PLAC8: variants seen among roughly 807,000 people sequenced by gnomAD.
PLAC8 encodes the protein placenta associated 8, also known as placenta-specific gene 8 protein.
Under a neutral mutation model 12.6 loss-of-function variants are expected in PLAC8, and 6 were observed. The observed-to-expected ratio is 0.48, with a 90% CI of 0.26 to 0.94. The LOEUF (loss-of-function observed/expected upper bound fraction) is 0.94. PLAC8 is among the 40% of genes least tolerant of loss of function. The pLI is 0.14. For missense variants in PLAC8, 122 were observed against 152.7 expected, an observed-to-expected ratio of 0.80 and a Z score of 1.06; for synonymous variants, 54 against 52.6, an observed-to-expected ratio of 1.03 and a Z score of -0.11.
chr4:83,111,054 C>T (rs1732413259), intron 1 of PLAC8, among the ~76,000 whole-genome samples: 2 of 152,174 alleles, frequency 1.3e-5, no homozygotes, highest in South Asian at 4.1e-4. Context: ...CAGCCTGGAA[C>T]TCCTGAGCTC....
chr4:83,108,852 C>CT (rs1204502675), intron 1 of PLAC8, among the ~76,000 whole-genome samples: 2 of 152,102 alleles, frequency 1.3e-5, no homozygotes, highest in Admixed American at 6.5e-5. Context: ...CTAATTTATT[C>CT]TTTTTTGTTT....
At chr4:83,096,919 A>G (rs998791191) in intron 3 of PLAC8, among the ~76,000 whole-genome samples, 2 of 152,200 alleles carry the variant, frequency 1.3e-5, no homozygotes, top group Non-Finnish European at 2.9e-5. Flanking sequence ...GGCTGATTAC[A>G]AAATGGGCTG....
At chr4:83,097,230 GGTGTGTGTGTGTGTGGGTGTGTATGT>G (rs1731960221) in intron 3 of PLAC8, among the ~76,000 whole-genome samples, 1 of 150,464 alleles carries the variant, frequency 6.6e-6, no homozygotes. Context: ...TTACATGTGG[GGTGTGTGTGTGTGTGGGTGTGTATGT>G]GTGTGTGTGT....
intron 3 of PLAC8, among the ~76,000 whole-genome samples, chr4:83,095,239 C>T (rs1731898542): frequency 6.6e-6 from 1 of 152,100 alleles, no homozygotes; most frequent in East Asian, 1.9e-4. Context: ...AGGATGAGAG[C>T]TAAGCACTAG....
intron 3 of PLAC8, among the ~76,000 whole-genome samples, chr4:83,100,276 A>C (rs572954214): frequency 5.3e-4 from 68 of 129,270 alleles, no homozygotes; most frequent in Non-Finnish European, 5.0e-4. Context: ...GCGAGACTCC[A>C]TCTCAAAAAA....
chr4:83,092,662 T>C (rs1294560268), intron 4 of PLAC8, among the ~76,000 whole-genome samples: 1 of 152,144 alleles, frequency 6.6e-6, no homozygotes, highest in Non-Finnish European at 1.5e-5. Flanking sequence ...TTTAAAATCT[T>C]TTATTTTTCG....
chr4:83,099,841 C>A (rs931160623), intron 3 of PLAC8, among the ~76,000 whole-genome samples: 93 of 132,562 alleles, frequency 7.0e-4, no homozygotes, highest in East Asian at 6.5e-4. Flanking sequence ...ACTAAAAATA[C>A]AAAAAAAAAA....
intron 3 of PLAC8, among the ~76,000 whole-genome samples, chr4:83,096,160 C>T (rs1020141138): frequency 3.3e-5 from 5 of 152,192 alleles, no homozygotes; most frequent in African/African-American, 7.2e-5. Flanking sequence ...CTATAAACTA[C>T]GTTTCTCCCA....
At chr4:83,096,074 T>G (rs536932190) in intron 3 of PLAC8, among the ~76,000 whole-genome samples, 4 of 152,306 alleles carry the variant, frequency 2.6e-5, no homozygotes, top group African/African-American at 9.6e-5. Context: ...CTAATGTTAG[T>G]CCTCCAAAGG....
intron 1 of PLAC8, among the ~76,000 whole-genome samples, chr4:83,113,122 C>T (rs1732460429): frequency 6.6e-6 from 1 of 152,336 alleles, no homozygotes; most frequent in South Asian, 2.1e-4. Context: ...ATAGAATGAG[C>T]TAGGGTCTAA....
At chr4:83,096,416 AT>A (rs200216742) in intron 3 of PLAC8, among the ~76,000 whole-genome samples, 1 of 148,884 alleles carries the variant, frequency 6.7e-6, no homozygotes, top group Non-Finnish European at 1.5e-5. Flanking sequence ...CAAAAAAAAA[AT>A]GCTTATTGAC....
At chr4:83,105,748 G>T (rs568501156) in intron 2 of PLAC8, among the ~76,000 whole-genome samples, 1 of 152,322 alleles carries the variant, frequency 6.6e-6, no homozygotes, top group Non-Finnish European at 1.5e-5. Context: ...ATTAAGCTTT[G>T]ATTGGAACTT....
intron 4 of PLAC8, chr4:83,094,337 C>T (rs549161566): frequency 5.7e-4 from 97 of 169,430 alleles, no homozygotes; most frequent in African/African-American, 2.2e-3. Flanking sequence ...TTCCTTTTGT[C>T]AACTTGTTTG....
At chr4:83,095,991 A>G (rs894130826) in intron 3 of PLAC8, among the ~76,000 whole-genome samples, 1 of 152,204 alleles carries the variant, frequency 6.6e-6, no homozygotes, top group African/African-American at 2.4e-5. Context: ...TGATCTTAGT[A>G]ACAGTTCAGG....
intron 3 of PLAC8, among the ~76,000 whole-genome samples, chr4:83,098,171 A>G (rs1304551198): frequency 6.6e-6 from 1 of 152,092 alleles, no homozygotes; most frequent in Admixed American, 6.5e-5. Context: ...GGTTTTAAAG[A>G]TTGTCTTAAC....
chr4:83,106,474 T>A (rs1732243109), intron 2 of PLAC8, among the ~76,000 whole-genome samples: 1 of 151,720 alleles, frequency 6.6e-6, no homozygotes. Flanking sequence ...AAAAATTGGC[T>A]GGGTGTGGTT....
chr4:83,103,766 T>C (rs1732170123), intron 3 of PLAC8, among the ~76,000 whole-genome samples: 1 of 152,148 alleles, frequency 6.6e-6, no homozygotes, highest in Admixed American at 6.5e-5. Context: ...CCTCCTGGGT[T>C]CAAGCAATTC....
intron 1 of PLAC8, 72 bp from the exon 2 acceptor site, chr4:83,108,022 A>G (rs1256366456): frequency 5.4e-6 from 2 of 369,572 alleles, no homozygotes; most frequent in Non-Finnish European, 1.1e-5. Context: ...GCATTAGGAG[A>G]TATACCTAAT....
At chr4:83,092,167 A>G (rs1731821066) in intron 4 of PLAC8, among the ~76,000 whole-genome samples, 1 of 152,180 alleles carries the variant, frequency 6.6e-6, no homozygotes, top group Non-Finnish European at 1.5e-5. Flanking sequence ...AAACCCACCT[A>G]AAGATTCAGT....
Sources: allele counts gnomAD v4.1 joint callset (sites outside exome capture counted in the v4.1 genomes callset), GRCh38; gene constraint gnomAD v4.1.1; transcripts MANE v1.5; gene names NCBI Gene and HGNC (gene_info 2026-07-23, HGNC 2026-07-21).